Variants in SGPL1 observed in about 807,000 individuals in gnomAD.
The protein encoded by SGPL1 is SP-lyase 1.
SGPL1 carries 37 observed loss-of-function variants against 68.9 expected under a neutral mutation model. That is an observed-to-expected ratio of 0.54 (90% confidence interval 0.41 to 0.71). The LOEUF is 0.71. SGPL1 is among the 30% of genes least tolerant of loss of function. The pLI is 0.00. For missense variants in SGPL1, 551 were observed against 704.6 expected, an observed-to-expected ratio of 0.78 and a Z score of 2.47; for synonymous variants, 236 against 248.5, an observed-to-expected ratio of 0.95 and a Z score of 0.47.
intron 2 of SGPL1, chr10:70,820,464 A>T (rs1845318517): frequency 6.6e-6 from 1 of 152,054 alleles, no homozygotes; most frequent in African/African-American, 2.4e-5. Flanking sequence ...ATGTTTTATT[A>T]TTAAATTATT....
At chr10:70,864,004 G>C (rs1032679998) in intron 7 of SGPL1, among the ~76,000 whole-genome samples, 4 of 152,098 alleles carry the variant, frequency 2.6e-5, no homozygotes, top group Non-Finnish European at 5.9e-5. Context: ...TATCTTGCAG[G>C]ATTCTTGATT....
chr10:70,881,060 A>G lies in SGPL1; in HGVS notation c.*3725A>G, dbSNP rs188421979. The stretch of plus-strand genomic sequence containing the variant: ...ACCTTTTTCCTGATTTGAAGTTTTA[A>G]TTACCTTATTTTCTTTTATGCTTTC... On this transcript the variant is annotated 3_prime_UTR_variant, in exon 15 of 15. Coordinates refer to ENST00000373202, the MANE Select transcript of SGPL1 (RefSeq NM_003901.4). 3.9e-5 allele frequency: 6 copies of G among 152,018 alleles called. No individual in the cohort carries two copies. The highest frequency in any genetic ancestry group is 3.3e-4 in the Admixed American group (5 of 15,284). The allele number at this position is 152,018 out of a possible 1,614,324, so 9.4% of individuals were successfully genotyped here.
intron 2 of SGPL1, among the ~76,000 whole-genome samples, chr10:70,834,773 C>T (rs2131867758): frequency 6.6e-6 from 1 of 152,292 alleles, no homozygotes; most frequent in African/African-American, 2.4e-5. Flanking sequence ...ACTTTGAGAA[C>T]TGTTGGTCTC....
chr10:70,830,159 A>G (rs1163924461), intron 2 of SGPL1, among the ~76,000 whole-genome samples: 1 of 152,210 alleles, frequency 6.6e-6, no homozygotes, highest in Non-Finnish European at 1.5e-5. Flanking sequence ...GTGGTTTCTT[A>G]GCTGAAGGGA....
intron 2 of SGPL1, among the ~76,000 whole-genome samples, chr10:70,832,077 C>T (rs941963638): frequency 4.6e-5 from 7 of 152,132 alleles, no homozygotes; most frequent in Admixed American, 2.0e-4. Flanking sequence ...CCAATATATA[C>T]GTATAACATC....
At chr10:70,857,533 T>G (rs1845984812) in intron 5 of SGPL1, 81 bp from the exon 6 acceptor site, 1 of 1,137,884 alleles carries the variant, frequency 8.8e-7, no homozygotes, top group African/African-American at 1.5e-5. Context: ...CCAGAGGAGT[T>G]TCTTCCTGTT....
intron 3 of SGPL1, 25 bp downstream of exon 3, chr10:70,844,663 A>G (rs1483284360): frequency 6.2e-7 from 1 of 1,607,862 alleles, no homozygotes; most frequent in Admixed American, 1.7e-5. Context: ...TCCTCTGTAA[A>G]GGTATAGTGG....
chr10:70,821,480 T>G (rs1845336782), intron 2 of SGPL1, among the ~76,000 whole-genome samples: 2 of 152,206 alleles, frequency 1.3e-5, no homozygotes, highest in African/African-American at 4.8e-5. Flanking sequence ...CTGGTAGTGC[T>G]AGGTGGGGTT....
chr10:70,862,330 C>T (rs753532011), intron 7 of SGPL1, among the ~76,000 whole-genome samples: 1 of 152,122 alleles, frequency 6.6e-6, no homozygotes, highest in African/African-American at 2.4e-5. Context: ...TACTCTGTAT[C>T]TAACTAATCT....
rs77403908 is a variant in SGPL1 at position 70,837,744 on chromosome 10, G to A, written c.28-6729G>A. ...CTTTTGAATAAAACAAATATACATGGTGTCTTAGTCCATTTTCTGCTGTGA... is the reference window on the plus strand; with the variant it reads ...CTTTTGAATAAAACAAATATACATGATGTCTTAGTCCATTTTCTGCTGTGA... On this transcript the variant is annotated intron_variant, in intron 2 of 14. Coordinates refer to ENST00000373202, the MANE Select transcript of SGPL1 (RefSeq NM_003901.4). Among the ~76,000 whole-genome samples, 772 of 152,294 alleles carry A rather than the reference G, an allele frequency of 5.1e-3. 5 individuals carry two copies. The highest frequency in any genetic ancestry group is 0.017 in the African/African-American group (688 of 41,564).
chr10:70,856,047 T>TG (rs564539230), intron 5 of SGPL1, among the ~76,000 whole-genome samples: 40 of 152,338 alleles, frequency 2.6e-4, no homozygotes, highest in Middle Eastern at 3.4e-3. Flanking sequence ...CAGGCTGGAA[T>TG]GCAGTGGTGT....
chr10:70,839,649 C>T (rs1004457812), intron 2 of SGPL1, among the ~76,000 whole-genome samples: 1 of 151,874 alleles, frequency 6.6e-6, no homozygotes, highest in African/African-American at 2.4e-5. Flanking sequence ...TCCAGAGACA[C>T]AATACATTGA....
Position 70,877,582 on chromosome 10 carries a change from G to A in SGPL1, c.*247G>A. 2.2e-6 allele frequency: 1 copy of A among 447,234 alleles called. No homozygotes were observed. The highest frequency in any genetic ancestry group is 3.3e-5 in the East Asian group (1 of 30,658). The allele number at this position is 447,234 out of a possible 1,614,324, so 27.7% of individuals were successfully genotyped here. Reference sequence around the variant, plus strand: ...GCCCTTGTTATAAATGTTACCCTAGGAATTGTTTTAACCATTTCCTTTTCT... The same window carrying A: ...GCCCTTGTTATAAATGTTACCCTAGAAATTGTTTTAACCATTTCCTTTTCT... On this transcript the variant is annotated 3_prime_UTR_variant, in exon 15 of 15. Coordinates refer to ENST00000373202, the MANE Select transcript of SGPL1 (RefSeq NM_003901.4).
At chr10:70,847,828 A>T (rs2131890851) in intron 3 of SGPL1, among the ~76,000 whole-genome samples, 1 of 152,274 alleles carries the variant, frequency 6.6e-6, no homozygotes, top group Non-Finnish European at 1.5e-5. Flanking sequence ...CAATCAAGTT[A>T]TTTTTAGTTA....
chr10:70,825,917 C>A (rs1385666077), intron 2 of SGPL1, among the ~76,000 whole-genome samples: 2 of 152,184 alleles, frequency 1.3e-5, no homozygotes, highest in Admixed American at 1.3e-4. Context: ...CGCGGTGGCT[C>A]ACGCCTGTAA....
chr10:70,851,240 C>T (rs1365480618), intron 4 of SGPL1, 30 bp downstream of exon 4: 2 of 1,535,930 alleles, frequency 1.3e-6, no homozygotes, highest in African/African-American at 1.4e-5. Context: ...GTCATTTTTT[C>T]CCCTCTTGAT....
At chr10:70,846,251 T>C (rs543064708) in intron 3 of SGPL1, among the ~76,000 whole-genome samples, 2 of 152,320 alleles carry the variant, frequency 1.3e-5, no homozygotes, top group African/African-American at 4.8e-5. Context: ...GGTTTGGATA[T>C]GGATGTAGCT....
At position 70,857,521 on chromosome 10, in the gene SGPL1, A is replaced by G; in HGVS notation, c.410-93A>G. 2 of 1,000,064 alleles carry G rather than the reference A, an allele frequency of 2.0e-6. 1 individual carries two copies. The highest frequency in any genetic ancestry group is 5.0e-5 in the East Asian group (2 of 40,244). 61.9% of individuals were successfully genotyped at this position (1,000,064 alleles called of 1,614,324 possible). Reference sequence around the variant, plus strand: ...TCCACTCAACATTTTTTTCTTTTGTATCCAGAGGAGTTTCTTCCTGTTTCT... The same window carrying G: ...TCCACTCAACATTTTTTTCTTTTGTGTCCAGAGGAGTTTCTTCCTGTTTCT... On this transcript the variant is annotated intron_variant, in intron 5 of 14. Coordinates refer to ENST00000373202, the MANE Select transcript of SGPL1 (RefSeq NM_003901.4).
rs370454123 is a variant in SGPL1 at position 70,835,730 on chromosome 10, C to T, written c.28-8743C>T. Among the ~76,000 whole-genome samples, 156 of 113,874 alleles carry T rather than the reference C, an allele frequency of 1.4e-3. No homozygotes were observed. The East Asian group carries it at 0.021, about 15-fold the overall frequency. 74.7% of individuals were successfully genotyped at this position (113,874 alleles called of 152,430 possible). A position where few individuals can be genotyped will look rare whatever the true frequency, so the allele number is the denominator to read the frequency against. On this transcript the variant is annotated intron_variant, in intron 2 of 14. Transcript: ENST00000373202. ...CAGCCTGGGTGACAGAGCAAGACTC[C>T]GTCTCAAAAAAAAAAAAAAAAAAGA... is the stretch of plus-strand genomic sequence containing the variant.
Sources: gnomAD v4.1 joint callset for allele counts (sites outside exome capture counted in the v4.1 genomes callset) on GRCh38, gnomAD v4.1.1 for gene constraint, MANE v1.5 for transcripts, NCBI Gene and HGNC (gene_info 2026-07-23, HGNC 2026-07-21) for gene names.